Variants in NPAS3 observed in about 807,000 individuals in gnomAD.
NPAS3 encodes the protein neuronal PAS domain-containing protein 3.
NPAS3 carries 14 observed loss-of-function variants against 73.1 expected under a neutral mutation model. The observed-to-expected ratio is 0.19, with a 90% CI of 0.13 to 0.30. The LOEUF is 0.30. NPAS3 is among the 10% of genes least tolerant of loss of function. NPAS3 has a pLI of 1.00. For synonymous variants in NPAS3, 620 were observed against 541.5 expected (o/e 1.14, Z -2.01); for missense variants, 1,096 against 1,250.0 (o/e 0.88, Z 1.86).
intron 5 of NPAS3, among the ~76,000 whole-genome samples, chr14:33,672,908 TAAATG>T (rs1003820485): frequency 6.6e-6 from 1 of 152,344 alleles, no homozygotes. Context: ...CTCTAAAATT[TAAATG>T]AAATGAAGTC....
intron 2 of NPAS3, among the ~76,000 whole-genome samples, chr14:33,199,318 A>T (rs2046519126): frequency 6.6e-6 from 1 of 152,176 alleles, no homozygotes; most frequent in Admixed American, 6.5e-5. Flanking sequence ...ACTTTTTGAA[A>T]AATTTCTGAT....
rs560363358 is a variant in NPAS3, at chr14:33,165,272, A to G, written c.141-49910A>G. ...TAGGAAGCTTTAATTGCAGAAGAGA[A>G]GGGTTAAAGTCTCTCTGGTTGGACT... On this transcript the variant is annotated intron_variant, in intron 2 of 11. Transcript: ENST00000356141. 2.2e-3 allele frequency among the ~76,000 whole-genome samples: 329 copies of G among 151,638 alleles called. 1 individual carries two copies. The highest frequency in any genetic ancestry group is 7.6e-3 in the African/African-American group (312 of 41,314).
intron 5 of NPAS3, among the ~76,000 whole-genome samples, chr14:33,665,799 C>T (rs952282793): frequency 6.6e-6 from 1 of 151,972 alleles, no homozygotes; most frequent in African/African-American, 2.4e-5. Context: ...AATCCTGTCT[C>T]TAATTAATTA....
chr14:33,235,047 T>C (rs1394375476), intron 3 of NPAS3, among the ~76,000 whole-genome samples: 1 of 152,080 alleles, frequency 6.6e-6, no homozygotes, highest in Non-Finnish European at 1.5e-5. Context: ...ATCAACCCAA[T>C]GTGTAAATGA....
intron 1 of NPAS3, among the ~76,000 whole-genome samples, chr14:32,990,384 G>C (rs1383308887): frequency 6.6e-6 from 1 of 152,154 alleles, no homozygotes; most frequent in South Asian, 2.1e-4. Flanking sequence ...AAAGTGAAAA[G>C]ATAAGTGGCA....
chr14:33,380,223 A>C (rs531674869), intron 4 of NPAS3, among the ~76,000 whole-genome samples: 1 of 152,148 alleles, frequency 6.6e-6, no homozygotes, highest in South Asian at 2.1e-4. Context: ...CATGGCTGAT[A>C]CATGTTTATG....
chr14:33,363,297 C>T (rs575444525), intron 3 of NPAS3, among the ~76,000 whole-genome samples: 13 of 152,252 alleles, frequency 8.5e-5, no homozygotes, highest in African/African-American at 2.4e-4. Flanking sequence ...CAGAGACCAC[C>T]GTGTGAGGTT....
chr14:33,114,543 G>T (rs972101158), intron 2 of NPAS3, among the ~76,000 whole-genome samples: 1 of 152,116 alleles, frequency 6.6e-6, no homozygotes, highest in African/African-American at 2.4e-5. Flanking sequence ...GTTACTGAAA[G>T]GGTACTTCTT....
intron 3 of NPAS3, among the ~76,000 whole-genome samples, chr14:33,362,619 C>G (rs532658091): frequency 1.3e-5 from 2 of 152,226 alleles, no homozygotes; most frequent in Admixed American, 1.3e-4. Flanking sequence ...TTCCCCCAGG[C>G]TCAGTGTGGG....
intron 6 of NPAS3, among the ~76,000 whole-genome samples, chr14:33,690,596 G>T (rs2060208904): frequency 6.6e-6 from 1 of 151,970 alleles, no homozygotes. Flanking sequence ...TTCCTATACT[G>T]TCAGAAAATC....
intron 3 of NPAS3, among the ~76,000 whole-genome samples, chr14:33,239,427 T>A (rs1436002686): frequency 6.6e-6 from 1 of 151,884 alleles, no homozygotes; most frequent in Admixed American, 6.6e-5. Flanking sequence ...AGAAGACAGA[T>A]AACAAAACAG....
chr14:33,773,523 T>TAA (rs1221514425), intron 7 of NPAS3, among the ~76,000 whole-genome samples: 4 of 152,228 alleles, frequency 2.6e-5, no homozygotes, highest in Admixed American at 6.5e-5. Context: ...TTTGAGGAAG[T>TAA]TGTCGCTATG....
intron 1 of NPAS3, among the ~76,000 whole-genome samples, chr14:33,053,645 A>G (rs1221194708): frequency 1.3e-5 from 2 of 152,254 alleles, no homozygotes; most frequent in East Asian, 1.9e-4. Context: ...ACAAAGTGTT[A>G]AGTAAATGAT....
At chr14:33,390,283 A>G (rs955913979) in intron 4 of NPAS3, among the ~76,000 whole-genome samples, 2 of 152,126 alleles carry the variant, frequency 1.3e-5, no homozygotes, top group Non-Finnish European at 2.9e-5. Flanking sequence ...GTCTTTTGTC[A>G]TAAAGACAGT....
At chr14:33,143,641 C>CA (rs2044139030) in intron 2 of NPAS3, among the ~76,000 whole-genome samples, 2 of 152,162 alleles carry the variant, frequency 1.3e-5, no homozygotes, top group South Asian at 2.1e-4. Context: ...CAATGTTGTA[C>CA]AAATAGCACC....
intron 1 of NPAS3, among the ~76,000 whole-genome samples, chr14:32,961,283 G>A (rs1040632396): frequency 3.3e-4 from 50 of 151,756 alleles, no homozygotes; most frequent in African/African-American, 1.2e-3. Flanking sequence ...GTGGTGGCGC[G>A]TGCCTGTAGT....
chr14:33,604,634 A>G (rs1369334674), intron 5 of NPAS3, among the ~76,000 whole-genome samples: 6 of 152,188 alleles, frequency 3.9e-5, no homozygotes, highest in Non-Finnish European at 7.4e-5. Context: ...AAAAATCTCC[A>G]CCTAACAGCA....
intron 3 of NPAS3, among the ~76,000 whole-genome samples, chr14:33,300,743 C>T (rs1205950024): frequency 1.3e-5 from 2 of 151,928 alleles, no homozygotes; most frequent in Non-Finnish European, 2.9e-5. Flanking sequence ...GGGTTGGGGG[C>T]CTGGAGAGAG....
In NPAS3 at chr14:33,209,372, A is replaced by G. The variant is rs533019285; in HGVS notation, c.141-5810A>G. Among the ~76,000 whole-genome samples, 30 of 152,242 alleles carry G rather than the reference A, an allele frequency of 2.0e-4. No individual in the cohort carries two copies. In the South Asian group the frequency reaches 6.2e-3, roughly 32 times the overall value. ...ATGTCAATGTGGGGTGGGCTGTTTT[A>G]CTAAAAGTAATGAAGGAAGGGCAAG... On this transcript the variant is annotated intron_variant, in intron 2 of 11. Transcript: ENST00000356141.
Sources: allele counts gnomAD v4.1 joint callset (sites outside exome capture counted in the v4.1 genomes callset), GRCh38; gene constraint gnomAD v4.1.1; transcripts MANE v1.5; gene names NCBI Gene and HGNC (gene_info 2026-07-23, HGNC 2026-07-21).